The following PHLPP1 variants were observed in gnomAD, a reference collection of about 807,000 sequenced individuals.
PHLPP1 encodes PH domain leucine-rich repeat-containing protein phosphatase 1.
A neutral mutation model predicts 117.2 loss-of-function variants in PHLPP1; 42 were observed. That is an observed-to-expected ratio of 0.36 (90% CI 0.28 to 0.46). The LOEUF (loss-of-function observed/expected upper bound fraction) is 0.46. PHLPP1 is among the 20% of genes least tolerant of loss of function. The pLI, the probability that PHLPP1 is intolerant of heterozygous loss-of-function variation, is 1.00. For missense variants in PHLPP1, 2,084 were observed against 2,241.9 expected, an observed-to-expected ratio of 0.93 and a Z score of 1.42; for synonymous variants, 1,042 against 970.7, an observed-to-expected ratio of 1.07 and a Z score of -1.37.
chr18:62,941,428 C>A (rs1048030676), intron 10 of PHLPP1, among the ~76,000 whole-genome samples: 15 of 152,196 alleles, frequency 9.9e-5, no homozygotes. Context: ...ATATCACTTT[C>A]TCTTCCACTC....
At chr18:62,734,387 A>G (rs1911310799) in intron 1 of PHLPP1, among the ~76,000 whole-genome samples, 1 of 152,254 alleles carries the variant, frequency 6.6e-6, no homozygotes, top group Non-Finnish European at 1.5e-5. Context: ...ATCTTTCAGC[A>G]TTCATATAAG....
At chr18:62,852,815 C>G (rs1915393026) in intron 3 of PHLPP1, among the ~76,000 whole-genome samples, 1 of 152,164 alleles carries the variant, frequency 6.6e-6, no homozygotes, top group South Asian at 2.1e-4. Flanking sequence ...ATTAATGTTA[C>G]TGTGAACTTT....
chr18:62,958,135 T>C (rs1910671393), intron 12 of PHLPP1, among the ~76,000 whole-genome samples: 1 of 152,258 alleles, frequency 6.6e-6, no homozygotes, highest in Non-Finnish European at 1.5e-5. Context: ...TTGGCCAGGC[T>C]GGTCTCAAAC....
rs1473616763 is a variant in PHLPP1 at position 62,919,962 on chromosome 18, A to G, written c.2808A>G (p.Leu936=). Residue 936 remains leucine, a synonymous_variant, in exon 10 of 17, where the codon TTA becomes TTG. Transcript: ENST00000262719. ...HNQICELPAR[L]FCNSSLRKLL... Reference sequence around the variant, plus strand: ...TCTTTTGTCCCTTTTTATACAGCTTATTTTGTAATAGCAGTCTCCGGAAAC... The same window carrying G: ...TCTTTTGTCCCTTTTTATACAGCTTGTTTTGTAATAGCAGTCTCCGGAAAC... The G allele has an allele frequency of 6.3e-7, 1 of 1,587,716 alleles. No homozygotes were observed. The highest frequency in any genetic ancestry group is 2.3e-5 in the East Asian group (1 of 44,148).
intron 1 of PHLPP1, among the ~76,000 whole-genome samples, chr18:62,822,418 A>G (rs1914493164): frequency 6.6e-6 from 1 of 151,064 alleles, no homozygotes; most frequent in Non-Finnish European, 1.5e-5. Flanking sequence ...AGTAGCTGGG[A>G]CTGCAGACAC....
intron 1 of PHLPP1, among the ~76,000 whole-genome samples, chr18:62,722,846 A>G (rs1325366367): frequency 6.6e-6 from 1 of 152,206 alleles, no homozygotes. Flanking sequence ...TATTTAGGTA[A>G]CTGTGAAATA....
At chr18:62,755,653 G>T (rs887257983) in intron 1 of PHLPP1, among the ~76,000 whole-genome samples, 4 of 152,292 alleles carry the variant, frequency 2.6e-5, no homozygotes, top group Middle Eastern at 6.8e-3. Context: ...ATCTACTGGT[G>T]CCTTGATCTT....
At chr18:62,970,703 T>C (rs550632604) in intron 14 of PHLPP1, among the ~76,000 whole-genome samples, 1 of 152,158 alleles carries the variant, frequency 6.6e-6, no homozygotes, top group South Asian at 2.1e-4. Context: ...AGGCAGAGAT[T>C]GCAGTGAACC....
chr18:62,885,583 C>G (rs1210471778), intron 4 of PHLPP1, among the ~76,000 whole-genome samples: 1 of 152,128 alleles, frequency 6.6e-6, no homozygotes, highest in Non-Finnish European at 1.5e-5. Flanking sequence ...TCGCTTGAAC[C>G]TGGGAGGCGG....
chr18:62,808,903 A>T (rs1914034348), intron 1 of PHLPP1, among the ~76,000 whole-genome samples: 1 of 152,064 alleles, frequency 6.6e-6, no homozygotes, highest in African/African-American at 2.4e-5. Context: ...TTTTTCTATT[A>T]TAGTTTCTAC....
intron 10 of PHLPP1, among the ~76,000 whole-genome samples, chr18:62,939,002 T>TTTTTTTC (rs1910053254): frequency 7.0e-6 from 1 of 141,894 alleles, no homozygotes; most frequent in South Asian, 2.1e-4. Flanking sequence ...TTCTTTTTTT[T>TTTTTTTC]TTTTTGAGCC....
chr18:62,920,248 G>A (rs1352235203), intron 10 of PHLPP1, 134 bp downstream of exon 10: 3 of 891,112 alleles, frequency 3.4e-6, no homozygotes, highest in African/African-American at 1.7e-5. Flanking sequence ...AAATAGTTTT[G>A]CCAGCCACTT....
At chr18:62,849,071 A>T (rs1915255052) in intron 3 of PHLPP1, among the ~76,000 whole-genome samples, 1 of 152,184 alleles carries the variant, frequency 6.6e-6, no homozygotes, top group Admixed American at 6.5e-5. Flanking sequence ...CAGTCTATTT[A>T]TTGGAGTATG....
intron 1 of PHLPP1, among the ~76,000 whole-genome samples, chr18:62,727,781 GC>G (rs1911119759): frequency 6.6e-6 from 1 of 151,974 alleles, no homozygotes; most frequent in Non-Finnish European, 1.5e-5. Context: ...AGGCTCTTTA[GC>G]CTTACCACTG....
intron 1 of PHLPP1, among the ~76,000 whole-genome samples, chr18:62,752,289 TTAG>T (rs1911882039): frequency 6.6e-6 from 1 of 152,068 alleles, no homozygotes; most frequent in African/African-American, 2.4e-5. Flanking sequence ...TAAGGTTGTG[TTAG>T]TAGTAAGTTG....
intron 1 of PHLPP1, among the ~76,000 whole-genome samples, chr18:62,821,566 AAAAAAG>A (rs1914457648): frequency 6.7e-6 from 1 of 149,798 alleles, no homozygotes; most frequent in South Asian, 2.1e-4. Context: ...AAAAAAAAAA[AAAAAAG>A]AAAAGAAAAA....
At chr18:62,857,305 G>A (rs1915525503) in intron 3 of PHLPP1, among the ~76,000 whole-genome samples, 1 of 152,128 alleles carries the variant, frequency 6.6e-6, no homozygotes, top group South Asian at 2.1e-4. Flanking sequence ...TTCATAAATG[G>A]AATGTGTCAT....
At chr18:62,916,777 A>G (rs1222847910) in intron 9 of PHLPP1, among the ~76,000 whole-genome samples, 2 of 73,508 alleles carry the variant, frequency 2.7e-5, no homozygotes, top group East Asian at 6.8e-4. Flanking sequence ...TTTTTGAGAC[A>G]GAGTCTCAGT....
chr18:62,927,745 A>G (rs887093558), intron 10 of PHLPP1, among the ~76,000 whole-genome samples: 1 of 152,108 alleles, frequency 6.6e-6, no homozygotes, highest in Non-Finnish European at 1.5e-5. Context: ...AAAAGGCATA[A>G]CATTTGTATA....
Sources: allele counts gnomAD v4.1 joint callset (sites outside exome capture counted in the v4.1 genomes callset), GRCh38; gene constraint gnomAD v4.1.1; transcripts MANE v1.5; gene names NCBI Gene and HGNC (gene_info 2026-07-23, HGNC 2026-07-21).